The following SPOCK1 variants were observed in gnomAD, a reference collection of about 807,000 sequenced individuals.
SPOCK1 encodes the protein SPARC (osteonectin), cwcv and kazal like domains proteoglycan 1.
In SPOCK1, 23 loss-of-function variants were observed where a neutral mutation model predicts 55.3. That is an observed-to-expected ratio of 0.42 (90% confidence interval 0.30 to 0.59). The LOEUF is 0.59. SPOCK1 is among the 20% of genes least tolerant of loss of function. The probability of loss-of-function intolerance (pLI) is 0.22; values close to 1 mark genes in which losing one functional copy is unlikely to be tolerated. For missense variants in SPOCK1, 499 were observed against 552.5 expected, an observed-to-expected ratio of 0.90 and a Z score of 0.97; for synonymous variants, 226 against 221.0, an observed-to-expected ratio of 1.02 and a Z score of -0.20.
intron 3 of SPOCK1, among the ~76,000 whole-genome samples, chr5:137,230,206 A>G (rs945981177): frequency 3.9e-5 from 6 of 152,212 alleles, no homozygotes; most frequent in Non-Finnish European, 8.8e-5. Flanking sequence ...TCTCTTGGGT[A>G]GCTAACTTCT....
chr5:136,988,356 G>A (rs930474011), intron 8 of SPOCK1, 66 bp downstream of exon 8: 11 of 1,295,092 alleles, frequency 8.5e-6, no homozygotes, highest in African/African-American at 2.9e-5. Flanking sequence ...ATAGTCATAC[G>A]CAGTCCTCCT....
At chr5:137,240,973 T>A (rs1339155078) in intron 3 of SPOCK1, among the ~76,000 whole-genome samples, 1 of 152,132 alleles carries the variant, frequency 6.6e-6, no homozygotes, top group Non-Finnish European at 1.5e-5. Context: ...GACAAAAAAA[T>A]GTATATTCAA....
chr5:137,403,564 G>T (rs939303196), intron 2 of SPOCK1, among the ~76,000 whole-genome samples: 1 of 152,268 alleles, frequency 6.6e-6, no homozygotes, highest in South Asian at 2.1e-4. Context: ...CTGTACAGCA[G>T]GCTGAAGGGC....
chr5:137,462,889 C>G (rs2149837816), intron 2 of SPOCK1, among the ~76,000 whole-genome samples: 2 of 152,218 alleles, frequency 1.3e-5, no homozygotes, highest in Middle Eastern at 6.8e-3. Context: ...ACAGGGAGGG[C>G]TTCACTGAGA....
chr5:137,495,262 A>G (rs946347017), intron 2 of SPOCK1, among the ~76,000 whole-genome samples: 10 of 152,194 alleles, frequency 6.6e-5, no homozygotes, highest in African/African-American at 2.4e-4. Flanking sequence ...ACTTTTCAAA[A>G]TGATAAGTAG....
At chr5:137,196,453 T>C (rs1229401877) in intron 3 of SPOCK1, among the ~76,000 whole-genome samples, 1 of 152,234 alleles carries the variant, frequency 6.6e-6, no homozygotes, top group African/African-American at 2.4e-5. Flanking sequence ...CTGTGGCATC[T>C]CACCAGGCTT....
At chr5:137,466,235 G>C (rs1753620637) in intron 2 of SPOCK1, among the ~76,000 whole-genome samples, 1 of 152,136 alleles carries the variant, frequency 6.6e-6, no homozygotes, top group Admixed American at 6.5e-5. Flanking sequence ...TTTATTCTTG[G>C]ACACAAGTGG....
At position 137,324,009 on chromosome 5, in the gene SPOCK1, G is replaced by A. The variant is rs530807025; in HGVS notation, c.187-56954C>T. Among the ~76,000 whole-genome samples, 86 of 152,260 alleles carry A rather than the reference G, an allele frequency of 5.6e-4. 1 individual carries two copies. The highest frequency in any genetic ancestry group is 1.0e-3 in the Non-Finnish European group (69 of 68,026). On this transcript the variant is annotated intron_variant, in intron 2 of 10. Transcript: ENST00000394945. ...AAATAATTAAAATCAAGATCTCAAA[G>A]AGATATTTGCATTCCCATGTCCAAT... is the stretch of plus-strand genomic sequence containing the variant.
chr5:137,197,772 T>G (rs1374323020), intron 3 of SPOCK1, among the ~76,000 whole-genome samples: 5 of 152,226 alleles, frequency 3.3e-5, no homozygotes. Flanking sequence ...GGCAAGTTAC[T>G]TACCTACCAG....
At chr5:137,461,707 A>C (rs1031628925) in intron 2 of SPOCK1, among the ~76,000 whole-genome samples, 10 of 152,194 alleles carry the variant, frequency 6.6e-5, no homozygotes, top group African/African-American at 1.9e-4. Context: ...TTTTAAGAAA[A>C]TTTCATCCTA....
rs75833246 is a variant in SPOCK1 at position 137,295,068 on chromosome 5, A to C, written c.187-28013T>G. On this transcript the variant is annotated intron_variant, in intron 2 of 10. Coordinates refer to ENST00000394945, the MANE Select transcript of SPOCK1 (RefSeq NM_004598.4). Reference sequence around the variant, plus strand: ...CTACTCCCTCTAGGACATCAGCTGCATGAGGGCAGGTATTTCATTCTGGTC... The same window carrying C: ...CTACTCCCTCTAGGACATCAGCTGCCTGAGGGCAGGTATTTCATTCTGGTC... 3.1e-3 allele frequency among the ~76,000 whole-genome samples: 477 copies of C among 152,282 alleles called. 5 individuals carry two copies. The highest frequency in any genetic ancestry group is 0.011 in the African/African-American group (446 of 41,554).
chr5:137,350,759 G>A (rs1750659706), intron 2 of SPOCK1, among the ~76,000 whole-genome samples: 1 of 152,054 alleles, frequency 6.6e-6, no homozygotes, highest in South Asian at 2.1e-4. Flanking sequence ...AAGTGTGGGA[G>A]CCCTTCTTCA....
At chr5:137,225,494 T>C (rs1226567621) in intron 3 of SPOCK1, among the ~76,000 whole-genome samples, 1 of 152,182 alleles carries the variant, frequency 6.6e-6, no homozygotes, top group Non-Finnish European at 1.5e-5. Flanking sequence ...ACTCAGGTGT[T>C]ACCTACAACT....
chr5:137,263,595 C>CT (rs1756793311), intron 3 of SPOCK1, among the ~76,000 whole-genome samples: 2 of 152,196 alleles, frequency 1.3e-5, no homozygotes, highest in African/African-American at 4.8e-5. Context: ...ACTGTGCAGT[C>CT]TGCCCAACTC....
intron 3 of SPOCK1, among the ~76,000 whole-genome samples, chr5:137,262,574 CCTA>C (rs1756766233): frequency 6.6e-6 from 1 of 152,164 alleles, no homozygotes; most frequent in African/African-American, 2.4e-5. Context: ...TAGTGTTGTC[CCTA>C]TTATCCAGTT....
chr5:137,061,500 T>C (rs1752393666), intron 6 of SPOCK1, among the ~76,000 whole-genome samples: 1 of 152,226 alleles, frequency 6.6e-6, no homozygotes, highest in African/African-American at 2.4e-5. Flanking sequence ...AGTTGTTATT[T>C]CCTCTTTAGC....
rs1186630883 is a variant in SPOCK1, at chr5:137,439,093, C to A, written c.186+59280G>T. Among the ~76,000 whole-genome samples, 39 of 152,058 alleles carry A rather than the reference C, an allele frequency of 2.6e-4. 1 individual carries two copies. On this transcript the variant is annotated intron_variant, in intron 2 of 10. Transcript: ENST00000394945. ...TATTTGTAAAATCAAGATAATCAAGCCTAATTCATAGGATTAGTGTAGCAG... is the reference window on the plus strand; with the variant it reads ...TATTTGTAAAATCAAGATAATCAAGACTAATTCATAGGATTAGTGTAGCAG...
intron 5 of SPOCK1, among the ~76,000 whole-genome samples, chr5:137,086,987 T>C (rs1752972174): frequency 6.6e-6 from 1 of 152,180 alleles, no homozygotes. Context: ...AAGATAGAGC[T>C]GAGACTTGAC....
chr5:137,266,383 G>A (rs1477984696), intron 3 of SPOCK1, among the ~76,000 whole-genome samples: 1 of 152,154 alleles, frequency 6.6e-6, no homozygotes, highest in East Asian at 1.9e-4. Context: ...TCCTCACTGT[G>A]TCTTAAATAA....
Sources: allele counts gnomAD v4.1 joint callset (sites outside exome capture counted in the v4.1 genomes callset), GRCh38; gene constraint gnomAD v4.1.1; transcripts MANE v1.5; gene names NCBI Gene and HGNC (gene_info 2026-07-23, HGNC 2026-07-21).